HPSE2: variants seen among roughly 807,000 people sequenced by gnomAD.
The protein encoded by HPSE2 is inactive heparanase-2.
A neutral mutation model predicts 60.5 loss-of-function variants in HPSE2; 38 were observed. The observed-to-expected ratio is 0.63, with a 90% confidence interval of 0.48 to 0.82. HPSE2 has a LOEUF of 0.82. Among genes scored for constraint, HPSE2 ranks in the 40% least tolerant of loss-of-function variants. HPSE2 has a pLI of 0.00. For missense variants in HPSE2, 713 were observed against 740.4 expected, an observed-to-expected ratio of 0.96 and a Z score of 0.43; for synonymous variants, 295 against 293.2, an observed-to-expected ratio of 1.01 and a Z score of -0.06.
chr10:98,980,778 T>C (rs72836782), intron 3 of HPSE2, among the ~76,000 whole-genome samples: 1,626 of 152,300 alleles, frequency 0.011, 14 homozygotes, highest in South Asian at 0.026. Context: ...GATTTAACAA[T>C]TGGCAATTTC....
At chr10:98,789,390 A>G (rs1950607233) in intron 3 of HPSE2, among the ~76,000 whole-genome samples, 1 of 152,180 alleles carries the variant, frequency 6.6e-6, no homozygotes. Flanking sequence ...GTTTTTCAAG[A>G]GCAAATCCTG....
intron 2 of HPSE2, among the ~76,000 whole-genome samples, chr10:99,210,829 A>G (rs1408447266): frequency 1.3e-5 from 2 of 152,176 alleles, no homozygotes; most frequent in African/African-American, 2.4e-5. Flanking sequence ...CAACAGTGAA[A>G]AGTCGAAAGC....
chr10:98,894,787 G>A (rs1268194027), intron 3 of HPSE2, among the ~76,000 whole-genome samples: 3 of 151,852 alleles, frequency 2.0e-5, no homozygotes, highest in Non-Finnish European at 4.4e-5. Flanking sequence ...GAATAACAAT[G>A]TTGCCAAGAA....
rs1395858627 is a variant in HPSE2, at chr10:98,939,217, T to TC, written c.611-195162_611-195161insG. ...ACCAGCTAACATCATAATGACAGGA[T>TC]AAATTCACACATAACAATATTAACT... On this transcript the variant is annotated intron_variant, in intron 3 of 11. Transcript: ENST00000370552. Among the ~76,000 whole-genome samples the TC allele has an allele frequency of 3.5e-5, 5 of 143,672 alleles. No homozygotes were observed. The South Asian group carries it at 6.3e-4, about 18-fold the overall frequency. The allele number at this position is 143,672 out of a possible 152,430, so 94.3% of individuals were successfully genotyped here.
In HPSE2 at chr10:98,546,154, G is replaced by C. The variant is rs1385226434; in HGVS notation, c.1321-55958C>G. ...AGCCACTGCTCAATGAAATAAAAGA[G>C]GATACAAACAAATGGAAGAACATTC... On this transcript the variant is annotated intron_variant, in intron 9 of 11. Transcript: ENST00000370552. Among the ~76,000 whole-genome samples, 7 of 136,642 alleles carry C rather than the reference G, an allele frequency of 5.1e-5. 2 individuals are homozygous for C. The highest frequency in any genetic ancestry group is 1.5e-4 in the Admixed American group (2 of 13,434). The allele number at this position is 136,642 out of a possible 152,430, so 89.6% of individuals were successfully genotyped here.
chr10:98,664,225 G>T (rs473876), intron 6 of HPSE2, among the ~76,000 whole-genome samples: 2 of 151,740 alleles, frequency 1.3e-5, no homozygotes, highest in Non-Finnish European at 2.9e-5. Context: ...TCTGCCAGTG[G>T]GCACAACTGT....
intron 9 of HPSE2, among the ~76,000 whole-genome samples, chr10:98,565,347 C>T (rs1397812173): frequency 6.7e-6 from 1 of 149,196 alleles, no homozygotes; most frequent in Non-Finnish European, 1.5e-5. Flanking sequence ...CCTGACAGGG[C>T]CCGGAGTGTG....
At chr10:98,635,032 T>C (rs1197341551) in intron 7 of HPSE2, among the ~76,000 whole-genome samples, 1 of 152,218 alleles carries the variant, frequency 6.6e-6, no homozygotes, top group Non-Finnish European at 1.5e-5. Flanking sequence ...ATCTTATTAC[T>C]GTTGCTTGCT....
intron 9 of HPSE2, among the ~76,000 whole-genome samples, chr10:98,592,657 T>C (rs1469181503): frequency 9.9e-5 from 15 of 152,228 alleles, no homozygotes; most frequent in Non-Finnish European, 5.9e-5. Flanking sequence ...ACATGTGTTT[T>C]CTGGGGGAAA....
chr10:98,546,225 T>C (rs1943668658), intron 9 of HPSE2, among the ~76,000 whole-genome samples: 1 of 138,982 alleles, frequency 7.2e-6, no homozygotes, highest in Non-Finnish European at 1.6e-5. Flanking sequence ...ATGGCCATAC[T>C]ACCCAAGGTC....
At position 98,868,526 on chromosome 10, in the gene HPSE2, G is replaced by A. The variant is rs766842391; in HGVS notation, c.611-124470C>T. On this transcript the variant is annotated intron_variant, in intron 3 of 11. Coordinates refer to ENST00000370552, the MANE Select transcript of HPSE2 (RefSeq NM_021828.5). ...TAATTGGAATGCTTGTAACACAAAC[G>A]GTAAATGCTTGAGGGGATCGATACC... Among the ~76,000 whole-genome samples the A allele has an allele frequency of 5.3e-5, 8 of 152,142 alleles. No individual in the cohort carries two copies. In the South Asian group the frequency reaches 6.2e-4, roughly 12 times the overall value.
At chr10:98,675,893 A>T (rs1020111684) in intron 6 of HPSE2, among the ~76,000 whole-genome samples, 4 of 152,058 alleles carry the variant, frequency 2.6e-5, no homozygotes, top group Non-Finnish European at 5.9e-5. Context: ...TTTTTTAAAA[A>T]ATTAGCTGGT....
intron 3 of HPSE2, among the ~76,000 whole-genome samples, chr10:99,082,755 A>T (rs1284906559): frequency 1.3e-5 from 2 of 152,192 alleles, no homozygotes; most frequent in Non-Finnish European, 2.9e-5. Flanking sequence ...GAATACAAAC[A>T]TCTTTAATTT....
rs185802766 is a variant in HPSE2 at position 98,475,898 on chromosome 10, T to C, written c.1613+6738A>G. Among the ~76,000 whole-genome samples the C allele has an allele frequency of 8.6e-3, 1,302 of 152,238 alleles. 16 individuals are homozygous for C. The highest frequency in any genetic ancestry group is 0.027 in the African/African-American group (1,103 of 41,516). On this transcript the variant is annotated intron_variant, in intron 11 of 11. Transcript: ENST00000370552. ...TGGGACTGTAAACTAGTTCAACCAT[T>C]GTGGAAGTCAGTGTGGCGATTCCTC...
At chr10:98,589,043 G>A (rs2133938367) in intron 9 of HPSE2, among the ~76,000 whole-genome samples, 1 of 152,228 alleles carries the variant, frequency 6.6e-6, no homozygotes, top group Non-Finnish European at 1.5e-5. Context: ...GAAATAAAGT[G>A]TGTTTTTAAA....
chr10:98,910,109 G>A (rs553355916), intron 3 of HPSE2, among the ~76,000 whole-genome samples: 1 of 152,326 alleles, frequency 6.6e-6, no homozygotes, highest in Admixed American at 6.5e-5. Context: ...GGCACCAGCA[G>A]TATCATTGAT....
chr10:99,087,418 A>G (rs1033395515), intron 3 of HPSE2, among the ~76,000 whole-genome samples: 1 of 152,230 alleles, frequency 6.6e-6, no homozygotes, highest in Non-Finnish European at 1.5e-5. Flanking sequence ...CACGTAAGCA[A>G]TAAGTATTGA....
the HPSE2 span, among the ~76,000 whole-genome samples, chr10:99,252,229 T>C: frequency 6.6e-6 from 1 of 152,024 alleles, no homozygotes; most frequent in Non-Finnish European, 1.5e-5. Context: ...TGGGCAAAAC[T>C]GGAAACATTC....
the HPSE2 span, among the ~76,000 whole-genome samples, chr10:99,258,010 G>A: frequency 3.3e-5 from 5 of 151,984 alleles, no homozygotes; most frequent in Admixed American, 6.6e-5. Flanking sequence ...GCGTGGTGGC[G>A]TGTGACTGTA....
Sources: allele counts gnomAD v4.1 joint callset (sites outside exome capture counted in the v4.1 genomes callset), GRCh38; gene constraint gnomAD v4.1.1; transcripts MANE v1.5; gene names NCBI Gene and HGNC (gene_info 2026-07-23, HGNC 2026-07-21).